COMMD4: variants seen among roughly 807,000 people sequenced by gnomAD.
The protein encoded by COMMD4 is COMM domain containing 4.
A neutral mutation model predicts 27.5 loss-of-function variants in COMMD4; 18 were observed. That is an observed-to-expected ratio of 0.65 (90% CI 0.45 to 0.97). The LOEUF is 0.97. Among genes scored for constraint, COMMD4 ranks in the 50% least tolerant of loss-of-function variants. The pLI is 0.00. For synonymous variants in COMMD4, 108 were observed against 108.4 expected (o/e 1.00, Z 0.02); for missense variants, 243 against 250.0 (o/e 0.97, Z 0.19).
intron 7 of COMMD4, 28 bp from the exon 8 acceptor site, chr15:75,339,937 C>T (rs781690563): frequency 1.9e-6 from 3 of 1,614,044 alleles, no homozygotes; most frequent in South Asian, 2.2e-5. Flanking sequence ...CTGACTGCCT[C>T]CCACCTGCCC....
At chr15:75,337,095 C>T (rs1224071180) in intron 1 of COMMD4, 2 of 152,248 alleles carry the variant, frequency 1.3e-5, no homozygotes, top group East Asian at 1.9e-4. Flanking sequence ...GAAGTATAAT[C>T]AAGAAAGGCT....
chr15:75,337,824 G>T lies in COMMD4; in HGVS notation c.4-238G>T, dbSNP rs1212032997. On this transcript the variant is annotated intron_variant, in intron 1 of 7. Transcript: ENST00000267935. The stretch of plus-strand genomic sequence containing the variant: ...GCTAGCACAGAGAAGGTGCTTAATT[G>T]ATGTTTGCTGAGCAGATGAATGCCT... The T allele has an allele frequency of 4.0e-4, 229 of 573,556 alleles. No individual in the cohort carries two copies. The East Asian group carries it at 6.0e-3, about 15-fold the overall frequency. 35.5% of individuals were successfully genotyped at this position (573,556 alleles called of 1,614,324 possible). A position where few individuals can be genotyped will look rare whatever the true frequency, so the allele number is the denominator to read the frequency against.
At chr15:75,341,982 C>T (rs1415819422), downstream of COMMD4, 2 of 141,206 alleles carry the variant, frequency 1.4e-5, no homozygotes, top group Admixed American at 7.8e-5. Context: ...GAGGATCAAT[C>T]GCTTGAGCCC....
downstream of COMMD4, chr15:75,342,403 G>A (rs768330910): frequency 3.3e-5 from 5 of 152,244 alleles, no homozygotes; most frequent in East Asian, 1.9e-4. Flanking sequence ...GCCGGGTGCA[G>A]TGGCACATGC....
intron 2 of COMMD4, 66 bp downstream of exon 2, chr15:75,338,199 G>T (rs943592958): frequency 4.6e-5 from 71 of 1,543,688 alleles, no homozygotes; most frequent in South Asian, 5.9e-5. Flanking sequence ...TGGGTGTAGA[G>T]GATGGTGAGG....
downstream of COMMD4, among the ~76,000 whole-genome samples, chr15:75,340,533 TTGG>T (rs1349704573): frequency 2.6e-5 from 4 of 152,238 alleles, no homozygotes; most frequent in African/African-American, 9.6e-5. Flanking sequence ...TAGCAGCACG[TTGG>T]TGGCCCCAAA....
At chr15:75,336,549 G>T (rs1208620735) in intron 1 of COMMD4, 1 of 284,816 alleles carries the variant, frequency 3.5e-6, no homozygotes, top group Non-Finnish European at 6.7e-6. Flanking sequence ...GAAAGTAGTA[G>T]TTTTGGGGTT....
chr15:75,340,488 T>C (rs2071417279), downstream of COMMD4, among the ~76,000 whole-genome samples: 1 of 152,228 alleles, frequency 6.6e-6, no homozygotes, highest in Non-Finnish European at 1.5e-5. Flanking sequence ...TGCTCTTGGC[T>C]CTGCTGTCTT....
intron 1 of COMMD4, chr15:75,336,687 T>C: frequency 6.4e-6 from 1 of 155,868 alleles, no homozygotes; most frequent in Non-Finnish European, 1.4e-5. Context: ...GAGGCTTGAA[T>C]TGGAGTCATA....
rs2071408363 is a variant in COMMD4 at position 75,340,155 on chromosome 15, C to T, written c.*150C>T. On this transcript the variant is annotated 3_prime_UTR_variant, in exon 8 of 8. Transcript: ENST00000267935. ...CCAGATCCCCAGCTGCCTCACTTCT[C>T]TCTTGAGAACTTGGCTCAGGGCTCC... The T allele has an allele frequency of 1.2e-6, 1 of 853,486 alleles. No homozygotes were observed. Among genetic ancestry groups the T allele is most frequent in the Non-Finnish European group, 1.8e-6 (1 of 560,236 alleles). The allele number at this position is 853,486 out of a possible 1,614,324, so 52.9% of individuals were successfully genotyped here.
chr15:75,338,504 G>T, intron 3 of COMMD4, 84 bp downstream of exon 3: 2 of 1,578,134 alleles, frequency 1.3e-6, no homozygotes, highest in Non-Finnish European at 1.7e-6. Flanking sequence ...CCAGGGAGAC[G>T]GGTGAGCCAG....
At chr15:75,338,461 T>C (rs756460211) in intron 3 of COMMD4, 41 bp downstream of exon 3, 2 of 1,605,896 alleles carry the variant, frequency 1.2e-6, no homozygotes, top group African/African-American at 1.3e-5. Context: ...CATGACCTTA[T>C]GACCACCACT....
At position 75,339,845 on chromosome 15, in the gene COMMD4, C is replaced by T. The variant is rs2071389557; in HGVS notation, c.526C>T (p.Leu176Phe). 2 of 1,613,796 alleles carry T rather than the reference C, an allele frequency of 1.2e-6. No homozygotes were observed. The highest frequency in any genetic ancestry group is 1.7e-6 in the Non-Finnish European group (2 of 1,179,762). Reference sequence around the variant, plus strand: ...CCCAGCCCAGCCTGTTGCCATGTCCCTCTCAGCAGACAAGTTCCAGGTCCT... The same window carrying T: ...CCCAGCCCAGCCTGTTGCCATGTCCTTCTCAGCAGACAAGTTCCAGGTCCT... ...GTPAQPVAMS[L>F]SADKFQVLLA... The change falls in exon 7 of 8, where the codon CTC (leucine) becomes TTC (phenylalanine). Residue 176 changes from leucine (L) to phenylalanine (F), a missense_variant. By Grantham distance (22) the Leu-to-Phe change is conservative (BLOSUM62 0). Transcript: ENST00000267935.
chr15:75,337,736 C>G (rs543559906), intron 1 of COMMD4: 9 of 341,708 alleles, frequency 2.6e-5, no homozygotes, highest in Non-Finnish European at 4.9e-5. Context: ...AGAGTTCACT[C>G]GTCTCTGTGA....
intron 1 of COMMD4, 57 bp from the exon 2 acceptor site, chr15:75,338,005 T>A: frequency 6.5e-7 from 1 of 1,534,580 alleles, no homozygotes; most frequent in Non-Finnish European, 8.9e-7. Flanking sequence ...GACACACGGA[T>A]CCTGGCCACA....
At chr15:75,340,943 A>G (rs1169146220), downstream of COMMD4, 1 of 151,654 alleles carries the variant, frequency 6.6e-6, no homozygotes, top group Non-Finnish European at 1.5e-5. Flanking sequence ...CACTGCGCCC[A>G]GCCACTGCCA....
At position 75,339,814 on chromosome 15, in the gene COMMD4, A is replaced by G; in HGVS notation, c.495A>G (p.Pro165=). ...TGCGGCTGGAGGTGGCAGCTGCCCCAGGGACCCCAGCCCAGCCTGTTGCCA... is the reference window on the plus strand; with the variant it reads ...TGCGGCTGGAGGTGGCAGCTGCCCCGGGGACCCCAGCCCAGCCTGTTGCCA... ...VHLRLEVAAA[P]GTPAQPVAMS... Residue 165 remains proline, a synonymous_variant, in exon 7 of 8, where the codon CCA becomes CCG. Transcript: ENST00000267935. 1.2e-6 allele frequency: 2 copies of G among 1,614,050 alleles called. No individual in the cohort carries two copies. Among genetic ancestry groups the G allele is most frequent in the Non-Finnish European group, 1.7e-6 (2 of 1,179,952 alleles).
At chr15:75,336,440 C>G (rs989085758) in intron 1 of COMMD4, 8 of 596,500 alleles carry the variant, frequency 1.3e-5, no homozygotes, top group East Asian at 9.0e-5. Context: ...AAGGATACCC[C>G]CTTCCCCAGC....
At chr15:75,340,913 C>T (rs1209806779), downstream of COMMD4, 1 of 151,822 alleles carries the variant, frequency 6.6e-6, no homozygotes, top group Non-Finnish European at 1.5e-5. Flanking sequence ...TCCCAAAGTG[C>T]TGGGATTACA....
Sources: allele counts gnomAD v4.1 joint callset (sites outside exome capture counted in the v4.1 genomes callset), GRCh38; gene constraint gnomAD v4.1.1; transcripts MANE v1.5; gene names NCBI Gene and HGNC (gene_info 2026-07-23, HGNC 2026-07-21).